SNPH: variants seen among roughly 807,000 people sequenced by gnomAD.
SNPH encodes the protein syntaphilin.
Under a neutral mutation model 36.8 loss-of-function variants are expected in SNPH, and 10 were observed. That is an observed-to-expected ratio of 0.27 (90% CI 0.17 to 0.46). SNPH has a LOEUF of 0.46. Ranked by LOEUF, SNPH falls within the 20% of genes least tolerant of loss-of-function variation. The pLI is 1.00. For synonymous variants in SNPH, 281 were observed against 312.2 expected, an observed-to-expected ratio of 0.90 and a Z score of 1.05; for missense variants, 622 against 744.0, an observed-to-expected ratio of 0.84 and a Z score of 1.91.
At chr20:1,291,712 A>G (rs1347371949) in intron 2 of SNPH, among the ~76,000 whole-genome samples, 1 of 152,184 alleles carries the variant, frequency 6.6e-6, no homozygotes, top group Non-Finnish European at 1.5e-5. Flanking sequence ...TCAGACACAG[A>G]TTGTTCTGTT....
Position 1,305,392 on chromosome 20 carries a change from A to G in SNPH, c.955A>G (p.Thr319Ala). The G allele has an allele frequency of 1.2e-6, 2 of 1,612,856 alleles. No homozygotes were observed. Among genetic ancestry groups the G allele is most frequent in the East Asian group, 2.2e-5 (1 of 44,884 alleles). ...GGGGGTGGACTGTGGCACCGAGGAG[A>G]CCTCGCTGCACAGCTCCTTCGGCCT... The part of the protein sequence containing the change: ...SSGVDCGTEE[T>A]SLHSSFGLGP... Residue 319 changes from threonine to alanine, a missense_variant, in exon 7 of 7, where the codon ACC (threonine) becomes GCC (alanine). This residue lies in a region of SNPH where 379 missense variants were observed against 427.9 expected (regional missense o/e 0.89). Transcript: ENST00000381867.
intron 2 of SNPH, among the ~76,000 whole-genome samples, chr20:1,267,289 C>A (rs748546423): frequency 2.5e-4 from 38 of 152,132 alleles, no homozygotes; most frequent in South Asian, 2.1e-4. Context: ...CCGGAGCTTC[C>A]CTGGGATGTG....
rs781299477 is a variant in SNPH, at chr20:1,305,532, C to T, written c.1095C>T (p.Tyr365=). 26 of 1,613,198 alleles carry T rather than the reference C, an allele frequency of 1.6e-5. No individual in the cohort carries two copies. The highest frequency in any genetic ancestry group is 2.1e-5 in the Non-Finnish European group (25 of 1,180,010). Residue 365 remains tyrosine (Y), a synonymous_variant, in exon 7 of 7, where the codon TAC becomes TAT. Transcript: ENST00000381867. ...ERAIQTDFVQ[Y]QPDLDTILEK... ...CCATCCAGACAGACTTCGTGCAGTA[C>T]CAGCCTGACCTTGACACCATCCTGG...
At chr20:1,299,251 C>T (rs2088476874) in intron 5 of SNPH, among the ~76,000 whole-genome samples, 2 of 152,214 alleles carry the variant, frequency 1.3e-5, no homozygotes, top group Admixed American at 1.3e-4. Flanking sequence ...TCGGCTGCTT[C>T]AGCAAATGGG....
intron 2 of SNPH, among the ~76,000 whole-genome samples, chr20:1,289,864 T>A (rs542780321): frequency 6.6e-6 from 1 of 152,214 alleles, no homozygotes; most frequent in African/African-American, 2.4e-5. Context: ...CATGTATTTT[T>A]AAAAATTTGT....
chr20:1,301,591 T>A (rs1290714863), intron 6 of SNPH, among the ~76,000 whole-genome samples: 2 of 152,176 alleles, frequency 1.3e-5, no homozygotes, highest in African/African-American at 2.4e-5. Context: ...ATTAGATGAT[T>A]GTTAGTTTAG....
Position 1,304,184 on chromosome 20 carries a change from A to G in SNPH, c.441-694A>G, listed in dbSNP as rs774902182. On this transcript the variant is annotated intron_variant, in intron 6 of 6. Coordinates refer to ENST00000381867, the MANE Select transcript of SNPH (RefSeq NM_001318234.2). The surrounding 1 kb of genome is among the most constrained non-coding windows in gnomAD (Gnocchi z 4.3). ...TGATCTTTTCAGCTTTTCCTCTTTAAGATACAAGATACAAGGAGATACAAA... is the reference window on the plus strand; with the variant it reads ...TGATCTTTTCAGCTTTTCCTCTTTAGGATACAAGATACAAGGAGATACAAA... Among the ~76,000 whole-genome samples the G allele has an allele frequency of 3.9e-5, 6 of 152,078 alleles. No individual in the cohort carries two copies. The highest frequency in any genetic ancestry group is 8.8e-5 in the Non-Finnish European group (6 of 68,014).
Position 1,306,295 on chromosome 20 carries a change from A to C in SNPH, c.*241A>C. 1 of 403,574 alleles carries C rather than the reference A, an allele frequency of 2.5e-6. No homozygotes were observed. The highest frequency in any genetic ancestry group is 3.9e-5 in the East Asian group (1 of 25,530). The allele number at this position is 403,574 out of a possible 1,614,324, so 25.0% of individuals were successfully genotyped here. On this transcript the variant is annotated 3_prime_UTR_variant, in exon 7 of 7. Transcript: ENST00000381867. ...GGCAGGAGGTACACCAGCTGGACAA[A>C]TTGCAGGGAGGGGAGGGAGCGAGGG...
chr20:1,275,379 T>A (rs373276778), intron 2 of SNPH, among the ~76,000 whole-genome samples: 1 of 152,338 alleles, frequency 6.6e-6, no homozygotes, highest in East Asian at 1.9e-4. Flanking sequence ...GGGCCTCGAT[T>A]GCTTTTCTGA....
chr20:1,305,379 T>G lies in SNPH; in HGVS notation c.942T>G (p.Cys314Trp). 6.2e-7 allele frequency: 1 copy of G among 1,612,832 alleles called. No homozygotes were observed. The highest frequency in any genetic ancestry group is 8.5e-7 in the Non-Finnish European group (1 of 1,180,000). ...ASSLLSSGVDCGTEETSLHSS... is the reference protein window; with the variant it reads ...ASSLLSSGVDWGTEETSLHSS... ...GCCTGCTGTCGTCGGGGGTGGACTGTGGCACCGAGGAGACCTCGCTGCACA... is the reference window on the plus strand; with the variant it reads ...GCCTGCTGTCGTCGGGGGTGGACTGGGGCACCGAGGAGACCTCGCTGCACA... Residue 314 changes from cysteine to tryptophan, a missense_variant, in exon 7 of 7, where the codon TGT becomes TGG. Physicochemically the swap from Cys to Trp is radical, Grantham distance 215 (BLOSUM62 -2). Around this residue, in one of 3 missense-constraint regions of SNPH, gnomAD observed 379 missense variants for 427.9 expected, o/e 0.89. Coordinates refer to ENST00000381867, the MANE Select transcript of SNPH (RefSeq NM_001318234.2).
At position 1,305,201 on chromosome 20, in the gene SNPH, G is replaced by T. The variant is rs754975513; in HGVS notation, c.764G>T (p.Arg255Leu). 6.2e-7 allele frequency: 1 copy of T among 1,611,648 alleles called. No individual in the cohort carries two copies. Among genetic ancestry groups the T allele is most frequent in the East Asian group, 2.2e-5 (1 of 44,868 alleles). ...GGGTCCCCTGCCCGCTCCCTCACCC[G>T]CAGCTCCACCTACACCAAGCTGAGT... The part of the protein sequence containing the change: ...AGGSPARSLT[R>L]SSTYTKLSDP... Residue 255 changes from arginine to leucine, a missense_variant, in exon 7 of 7, where the codon CGC becomes CTC. Arg to Leu is a moderately radical substitution (Grantham distance 102). Around this residue, in one of 3 missense-constraint regions of SNPH, gnomAD observed 379 missense variants for 427.9 expected, o/e 0.89. Coordinates refer to ENST00000381867, the MANE Select transcript of SNPH (RefSeq NM_001318234.2).
In SNPH at chr20:1,307,377, A is replaced by C. The variant is rs980186979; in HGVS notation, c.*1323A>C. ...TCGGCCTGGGAAGTTCACTGCCCCA[A>C]CTCTTTTCCCGGGACCATACTGAGT... On this transcript the variant is annotated 3_prime_UTR_variant, in exon 7 of 7. Coordinates refer to ENST00000381867, the MANE Select transcript of SNPH (RefSeq NM_001318234.2). The C allele has an allele frequency of 8.6e-5, 13 of 152,022 alleles. No individual in the cohort carries two copies. Among genetic ancestry groups the C allele is most frequent in the Non-Finnish European group, 1.6e-4 (11 of 68,018 alleles). The allele number at this position is 152,022 out of a possible 1,614,324, so 9.4% of individuals were successfully genotyped here.
At position 1,305,737 on chromosome 20, in the gene SNPH, G is replaced by A; in HGVS notation, c.1300G>A (p.Ala434Thr). The A allele has an allele frequency of 6.2e-7, 1 of 1,611,338 alleles. No individual in the cohort carries two copies. The highest frequency in any genetic ancestry group is 8.5e-7 in the Non-Finnish European group (1 of 1,179,056). Residue 434 changes from alanine (A) to threonine (T), a missense_variant, in exon 7 of 7, where the codon GCC (alanine) becomes ACC (threonine). By Grantham distance (58) the Ala-to-Thr change is moderately conservative. Coordinates refer to ENST00000381867, the MANE Select transcript of SNPH (RefSeq NM_001318234.2). ...TGGACCCACCCCACAGCGGCCTGGT[G>A]CCAACCCCAACCCTGGCCAGTCGGT... The part of the protein sequence containing the change: ...TRGPTPQRPG[A>T]NPNPGQSVSV...
chr20:1,266,730 C>G lies in SNPH; in HGVS notation c.-523C>G, dbSNP rs1007904826. ...CAAGCCGGGCCGGAGTGGTGCGAGC[C>G]GGCGGGGCTGCGGAGGGCCAGTGGA... On this transcript the variant is annotated 5_prime_UTR_variant, in exon 2 of 7. Transcript: ENST00000381867. The surrounding 1 kb of genome is among the most constrained non-coding windows in gnomAD (Gnocchi z 6.0). 2 of 1,404,690 alleles carry G rather than the reference C, an allele frequency of 1.4e-6. No individual in the cohort carries two copies. Among genetic ancestry groups the G allele is most frequent in the East Asian group, 3.1e-5 (1 of 32,670 alleles). The allele number at this position is 1,404,690 out of a possible 1,614,324, so 87.0% of individuals were successfully genotyped here. A position where few individuals can be genotyped will look rare whatever the true frequency, so the allele number is the denominator to read the frequency against.
chr20:1,297,614 C>T (rs1402315887), intron 5 of SNPH, among the ~76,000 whole-genome samples: 1 of 152,222 alleles, frequency 6.6e-6, no homozygotes, highest in Non-Finnish European at 1.5e-5. Flanking sequence ...CAGGTGGCTT[C>T]TGTACCTCCA....
intron 2 of SNPH, among the ~76,000 whole-genome samples, chr20:1,269,500 C>T (rs6104817): frequency 0.35 from 53,444 of 152,088 alleles, 9,863 homozygotes; most frequent in Non-Finnish European, 0.4. Flanking sequence ...CGTCCCCTTC[C>T]AAAGGTTTCG....
rs562353141 is a variant in SNPH, at chr20:1,273,179, C to T, written c.-493+6419C>T. On this transcript the variant is annotated intron_variant, in intron 2 of 6. Coordinates refer to ENST00000381867, the MANE Select transcript of SNPH (RefSeq NM_001318234.2). The stretch of plus-strand genomic sequence containing the variant: ...CAGCAAGCAGTCTCTCTGTGGACAG[C>T]TCTGACACATGGTCCCTGCAGAGGA... Among the ~76,000 whole-genome samples the T allele has an allele frequency of 2.0e-5, 3 of 152,278 alleles. No homozygotes were observed. In the South Asian group the frequency reaches 6.2e-4, roughly 32 times the overall value.
chr20:1,305,569 C>T lies in SNPH; in HGVS notation c.1132C>T (p.Gln378Ter). 1 of 1,613,492 alleles carries T rather than the reference C, an allele frequency of 6.2e-7. No homozygotes were observed. Among genetic ancestry groups the T allele is most frequent in the South Asian group, 1.1e-5 (1 of 91,092 alleles). Residue 378 changes from glutamine to a stop codon, truncating the protein, a stop_gained, in exon 7 of 7, where the codon CAG becomes TAG. Coordinates refer to ENST00000381867, the MANE Select transcript of SNPH (RefSeq NM_001318234.2). LOFTEE classifies it high-confidence loss of function. ...DLDTILEKVT[Q>*]AQVCGTDPES... ...TGACACCATCCTGGAGAAAGTGACC[C>T]AGGCCCAGGTCTGTGGGACAGACCC...
chr20:1,290,269 A>C (rs2122354959), intron 2 of SNPH, among the ~76,000 whole-genome samples: 1 of 152,338 alleles, frequency 6.6e-6, no homozygotes, highest in Admixed American at 6.5e-5. Context: ...GGATACTCAC[A>C]AAATTATATA....
Sources: allele counts gnomAD v4.1 joint callset (sites outside exome capture counted in the v4.1 genomes callset), GRCh38; gene constraint gnomAD v4.1.1; regional missense constraint gnomAD v4.1.1; non-coding constraint Gnocchi (gnomAD v3.1); transcripts MANE v1.5; gene names NCBI Gene and HGNC (gene_info 2026-07-23, HGNC 2026-07-21).